PAOX: variants seen among roughly 807,000 people sequenced by gnomAD.
The protein encoded by PAOX is polyamine oxidase.
In PAOX, 38 loss-of-function variants were observed where a neutral mutation model predicts 39.0. The observed-to-expected ratio is 0.97, with a 90% CI of 0.75 to 1.28. PAOX has a LOEUF of 1.28. Among genes scored for constraint, PAOX ranks in the 50% most tolerant of loss-of-function variants. PAOX has a pLI of 0.00. For synonymous variants in PAOX, 311 were observed against 314.4 expected (o/e 0.99, Z 0.11); for missense variants, 667 against 685.7 (o/e 0.97, Z 0.30).
chr10:133,391,659 G>C lies in PAOX; in HGVS notation c.*204G>C. The C allele has an allele frequency of 1.3e-6, 1 of 766,100 alleles. No homozygotes were observed. Among genetic ancestry groups the C allele is most frequent in the Non-Finnish European group, 2.0e-6 (1 of 493,216 alleles). The allele number at this position is 766,100 out of a possible 1,614,324, so 47.5% of individuals were successfully genotyped here. On this transcript the variant is annotated 3_prime_UTR_variant, in exon 7 of 7. Transcript: ENST00000278060. Reference sequence around the variant, plus strand: ...TTGAGCTGAGACACCAGATGCTCACGGAGATGCTGGACACATAAAGCAAGT... The same window carrying C: ...TTGAGCTGAGACACCAGATGCTCACCGAGATGCTGGACACATAAAGCAAGT...
At chr10:133,379,562 A>T (rs1403803644) in intron 1 of PAOX, 65 bp downstream of exon 1, 2 of 1,189,372 alleles carry the variant, frequency 1.7e-6, no homozygotes, top group African/African-American at 3.2e-5. Flanking sequence ...GCCGGCCCCA[A>T]CCTGCCCTGC....
At chr10:133,386,356 A>T (rs984993102) in intron 4 of PAOX, among the ~76,000 whole-genome samples, 2 of 151,868 alleles carry the variant, frequency 1.3e-5, no homozygotes, top group African/African-American at 4.8e-5. Flanking sequence ...GTTACACTTA[A>T]TAGAAGACAT....
chr10:133,383,427 A>AC (rs1849448422), intron 3 of PAOX, among the ~76,000 whole-genome samples: 2 of 151,272 alleles, frequency 1.3e-5, no homozygotes, highest in African/African-American at 2.4e-5. Flanking sequence ...ACATGGCAAG[A>AC]CCCCATCTCT....
At chr10:133,383,876 A>G (rs1849462797) in intron 3 of PAOX, 84 bp from the exon 4 acceptor site, 9 of 1,485,780 alleles carry the variant, frequency 6.1e-6, no homozygotes, top group Admixed American at 2.1e-5. Context: ...CAGCAGGGGA[A>G]ATTGCTGGAT....
At position 133,391,678 on chromosome 10, in the gene PAOX, AG is replaced by A. The variant is rs1295458235; in HGVS notation, c.*224del. 16 of 654,136 alleles carry A rather than the reference AG, an allele frequency of 2.4e-5. No individual in the cohort carries two copies. The East Asian group carries it at 4.6e-4, about 19-fold the overall frequency. The allele number at this position is 654,136 out of a possible 1,614,324, so 40.5% of individuals were successfully genotyped here. On this transcript the variant is annotated 3_prime_UTR_variant, in exon 7 of 7. Coordinates refer to ENST00000278060, the MANE Select transcript of PAOX (RefSeq NM_152911.4). ...GCTCACGGAGATGCTGGACACATAA[AG>A]CAAGTTACAGCCACAGCTCCCAGAG...
In PAOX at chr10:133,379,360, G is replaced by A; in HGVS notation, c.44G>A (p.Arg15Gln). 1 of 1,219,244 alleles carries A rather than the reference G, an allele frequency of 8.2e-7. No homozygotes were observed. Among genetic ancestry groups the A allele is most frequent in the Non-Finnish European group, 1.0e-6 (1 of 980,158 alleles). 75.5% of individuals were successfully genotyped at this position (1,219,244 alleles called of 1,614,324 possible). A position where few individuals can be genotyped will look rare whatever the true frequency, so the allele number is the denominator to read the frequency against. The change falls in exon 1 of 7, where the codon CGG becomes CAG. Residue 15 changes from arginine (R) to glutamine (Q), a missense_variant. By Grantham distance (43) the Arg-to-Gln change is conservative. Transcript: ENST00000278060. ...GSVGEAPGGP[R>Q]VLVVGGGIAG... The stretch of plus-strand genomic sequence containing the variant: ...GTCGGGGAGGCCCCGGGCGGACCCC[G>A]GGTGCTGGTGGTGGGCGGCGGCATC...
At position 133,391,606 on chromosome 10, in the gene PAOX, C is replaced by G; in HGVS notation, c.*151C>G. The G allele has an allele frequency of 8.1e-7, 1 of 1,229,014 alleles. No individual in the cohort carries two copies. 76.1% of individuals were successfully genotyped at this position (1,229,014 alleles called of 1,614,324 possible). A position where few individuals can be genotyped will look rare whatever the true frequency, so the allele number is the denominator to read the frequency against. On this transcript the variant is annotated 3_prime_UTR_variant, in exon 7 of 7. Coordinates refer to ENST00000278060, the MANE Select transcript of PAOX (RefSeq NM_152911.4). ...AGGGCCACCTTCTCAGTTCTTGTGT[C>G]TGTTATTGGAGTCTGGCCAGGGTTG...
At chr10:133,382,711 G>A (rs1238831850) in intron 3 of PAOX, 1 of 152,010 alleles carries the variant, frequency 6.6e-6, no homozygotes, top group Non-Finnish European at 1.5e-5. Context: ...GAACGGGGGA[G>A]GCAGAGGTCA....
chr10:133,389,669 C>A lies in PAOX; in HGVS notation c.1314C>A (p.Ser438Arg), dbSNP rs1318210542. 1.2e-6 allele frequency: 2 copies of A among 1,612,526 alleles called. No homozygotes were observed. Among genetic ancestry groups the A allele is most frequent in the Admixed American group, 1.7e-5 (1 of 59,942 alleles). ...CCCCGTACACTAGGGGGTCCTACAG[C>A]TACGTGGCCGTGGGCAGTACTGGGG... is the stretch of plus-strand genomic sequence containing the variant. ...HSAPYTRGSY[S>R]YVAVGSTGGD... The change falls in exon 6 of 7, where the codon AGC becomes AGA. Residue 438 changes from serine (S) to arginine (R), a missense_variant. Transcript: ENST00000278060.
At chr10:133,390,446 A>ACACACACACACACACACACACACACAC (rs1554889447) in intron 6 of PAOX, among the ~76,000 whole-genome samples, 1 of 141,820 alleles carries the variant, frequency 7.1e-6, no homozygotes, top group African/African-American at 2.6e-5. Context: ...ACACACACAC[A>ACACACACACACACACACACACACACAC]AGTAGCCAGG....
chr10:133,388,986 C>T lies in PAOX; in HGVS notation c.1152C>T (p.Ala384=), dbSNP rs572623831. Residue 384 remains alanine (A), a synonymous_variant, in exon 5 of 7, where the codon GCC becomes GCT. Coordinates refer to ENST00000278060, the MANE Select transcript of PAOX (RefSeq NM_152911.4). The part of the protein sequence containing the change: ...ASVHVLCGFI[A]GLESEFMETL... The stretch of plus-strand genomic sequence containing the variant: ...TCCACGTTCTCTGTGGGTTCATTGC[C>T]GGACTTGAGTCTGAGTTCATGGAGA... The T allele has an allele frequency of 2.2e-5, 35 of 1,613,834 alleles. 1 individual carries two copies. The highest frequency in any genetic ancestry group is 6.6e-5 in the South Asian group (6 of 91,050).
intron 4 of PAOX, among the ~76,000 whole-genome samples, chr10:133,388,517 C>T (rs1489698467): frequency 6.6e-6 from 1 of 152,234 alleles, no homozygotes; most frequent in Non-Finnish European, 1.5e-5. Context: ...GTGGGAACGC[C>T]TGTAGGCGCA....
chr10:133,389,706 C>G lies in PAOX; in HGVS notation c.1351C>G (p.Leu451Val). 6.3e-7 allele frequency: 1 copy of G among 1,591,112 alleles called. No individual in the cohort carries two copies. Among genetic ancestry groups the G allele is most frequent in the South Asian group, 1.1e-5 (1 of 90,080 alleles). The change falls in exon 6 of 7, where the codon CTG (leucine) becomes GTG (valine). Residue 451 changes from leucine to valine, a missense_variant. By Grantham distance (32) the Leu-to-Val change is conservative (BLOSUM62 1). Transcript: ENST00000278060. ...AVGSTGGDLD[L>V]LAQPLPADGA... ...GGGCAGTACTGGGGGCGACCTGGACCTGCTGGCTCAGCCCCTCCCTGCAGA... is the reference window on the plus strand; with the variant it reads ...GGGCAGTACTGGGGGCGACCTGGACGTGCTGGCTCAGCCCCTCCCTGCAGA...
chr10:133,391,026 G>A (rs759504466), intron 6 of PAOX: 13 of 702,400 alleles, frequency 1.9e-5, no homozygotes, highest in Non-Finnish European at 3.1e-5. Context: ...CCCGTTGGTG[G>A]ATGCGTGTGA....
chr10:133,387,964 G>A (rs1342505010), intron 4 of PAOX, among the ~76,000 whole-genome samples: 1 of 151,966 alleles, frequency 6.6e-6, no homozygotes, highest in African/African-American at 2.4e-5. Context: ...TGATCCGCCC[G>A]CCTTGGCCTC....
intron 6 of PAOX, 28 bp downstream of exon 6, chr10:133,389,775 G>T (rs779347893): frequency 6.9e-7 from 1 of 1,444,326 alleles, no homozygotes; most frequent in Non-Finnish European, 9.1e-7. Flanking sequence ...GTCGGGGGGC[G>T]TGGGTCCCGC....
intron 4 of PAOX, among the ~76,000 whole-genome samples, chr10:133,387,246 T>G (rs1222966862): frequency 1.3e-5 from 2 of 152,056 alleles, no homozygotes; most frequent in Non-Finnish European, 2.9e-5. Flanking sequence ...GCCACTGAAC[T>G]CCAGCCTGGG....
At chr10:133,389,123 C>CTA (rs1353488791) in intron 5 of PAOX, 55 bp downstream of exon 5, 1 of 1,385,800 alleles carries the variant, frequency 7.2e-7, no homozygotes, top group Admixed American at 1.7e-5. Context: ...TGGTTGATCT[C>CTA]TAAACAGAAA....
chr10:133,382,784 A>G (rs79607434), intron 3 of PAOX: 5 of 136,138 alleles, frequency 3.7e-5, no homozygotes, highest in African/African-American at 1.6e-4. Flanking sequence ...TCTGTCTCAG[A>G]AAAAAAAAAA....
Sources: gnomAD v4.1 joint callset for allele counts (sites outside exome capture counted in the v4.1 genomes callset) on GRCh38, gnomAD v4.1.1 for gene constraint, MANE v1.5 for transcripts, NCBI Gene and HGNC (gene_info 2026-07-23, HGNC 2026-07-21) for gene names.